The following GRK5 variants were observed in gnomAD, a reference collection of about 807,000 sequenced individuals.
The protein encoded by GRK5 is g protein-coupled receptor kinase GRK5.
A neutral mutation model predicts 78.4 loss-of-function variants in GRK5; 40 were observed. The ratio of observed to expected loss-of-function variants is 0.51; its 90% CI spans 0.40 to 0.66. GRK5 has a LOEUF of 0.66. GRK5 is among the 30% of genes least tolerant of loss of function. The pLI, the probability that GRK5 is intolerant of heterozygous loss-of-function variation, is 0.00. For synonymous variants in GRK5, 289 were observed against 296.8 expected (o/e 0.97, Z 0.27); for missense variants, 598 against 759.9 (o/e 0.79, Z 2.50).
At position 119,430,840 on chromosome 10, in the gene GRK5, A is replaced by G. The variant is rs1852802589; in HGVS notation, c.597+402A>G. On this transcript the variant is annotated intron_variant, in intron 7 of 15. Coordinates refer to ENST00000392870, the MANE Select transcript of GRK5 (RefSeq NM_005308.3). This position sits in a 1 kb window ranked among gnomAD's most constrained non-coding sequence, Gnocchi z 4.5. ...TCGTTGTACATTACCCGATCTTCCC[A>G]GCATGTGAGGCAAGCCTTGTTATTC... is the stretch of plus-strand genomic sequence containing the variant. Among the ~76,000 whole-genome samples, 3 of 152,208 alleles carry G rather than the reference A, an allele frequency of 2.0e-5. No homozygotes were observed. Among genetic ancestry groups the G allele is most frequent in the Admixed American group, 1.3e-4 (2 of 15,280 alleles).
At chr10:119,408,149 G>C (rs1411376445) in intron 4 of GRK5, among the ~76,000 whole-genome samples, 1 of 127,556 alleles carries the variant, frequency 7.8e-6, no homozygotes, top group Admixed American at 8.6e-5. Context: ...GGCAACAAGA[G>C]TGAAACTCCA....
chr10:119,441,202 T>C (rs1853027769), intron 10 of GRK5, among the ~76,000 whole-genome samples: 1 of 152,246 alleles, frequency 6.6e-6, no homozygotes, highest in African/African-American at 2.4e-5. Flanking sequence ...GCTCCTCTGC[T>C]ATCCTGACTG....
At chr10:119,380,420 C>T (rs1851692934) in intron 2 of GRK5, among the ~76,000 whole-genome samples, 1 of 152,222 alleles carries the variant, frequency 6.6e-6, no homozygotes, top group African/African-American at 2.4e-5. Context: ...CTCCAGTGTT[C>T]CCAGGGAGTC....
At chr10:119,273,420 G>C (rs1450093257) in intron 1 of GRK5, among the ~76,000 whole-genome samples, 1 of 152,196 alleles carries the variant, frequency 6.6e-6, no homozygotes, top group Non-Finnish European at 1.5e-5. Flanking sequence ...GGAGCTGCAG[G>C]CTACGTGTGA....
chr10:119,344,993 G>A (rs1459884377), intron 2 of GRK5, among the ~76,000 whole-genome samples: 2 of 145,456 alleles, frequency 1.4e-5, no homozygotes, highest in East Asian at 2.1e-4. Context: ...TTCTGAGATG[G>A]AATCTCGCTC....
At chr10:119,219,965 C>T (rs115113703) in intron 1 of GRK5, among the ~76,000 whole-genome samples, 1,815 of 152,324 alleles carry the variant, frequency 0.012, 44 homozygotes, top group African/African-American at 0.042. Context: ...GGAAGCCAAG[C>T]AGCTTGATCC....
intron 1 of GRK5, among the ~76,000 whole-genome samples, chr10:119,219,008 C>G (rs1346485308): frequency 6.7e-6 from 1 of 149,808 alleles, no homozygotes; most frequent in Non-Finnish European, 1.5e-5. Context: ...AGCGATTCTC[C>G]TGCCTCAGTC....
intron 3 of GRK5, among the ~76,000 whole-genome samples, chr10:119,394,422 G>A (rs1420704411): frequency 1.4e-5 from 1 of 70,808 alleles, no homozygotes; most frequent in African/African-American, 5.9e-5. Flanking sequence ...GTGGGGGTGT[G>A]TGGGTACGTG....
chr10:119,297,872 A>G (rs1182008853), intron 1 of GRK5, among the ~76,000 whole-genome samples: 1 of 152,184 alleles, frequency 6.6e-6, no homozygotes, highest in Non-Finnish European at 1.5e-5. Context: ...GACTAAGCAG[A>G]CTTCTGGGTT....
intron 1 of GRK5, 109 bp from the exon 2 acceptor site, chr10:119,326,407 A>G (rs1299171325): frequency 1.2e-6 from 1 of 814,946 alleles, no homozygotes; most frequent in Non-Finnish European, 2.0e-6. Context: ...GGCTTGGCCT[A>G]CAGCCCGTCC....
intron 2 of GRK5, among the ~76,000 whole-genome samples, chr10:119,369,235 C>A (rs1307770770): frequency 6.6e-6 from 1 of 152,112 alleles, no homozygotes; most frequent in Non-Finnish European, 1.5e-5. Flanking sequence ...GATGAAATTT[C>A]TTTACAAGGA....
chr10:119,417,380 C>T (rs1219360583), intron 4 of GRK5, among the ~76,000 whole-genome samples: 1 of 152,226 alleles, frequency 6.6e-6, no homozygotes, highest in Admixed American at 6.5e-5. Context: ...GCACAGATGG[C>T]GCCTGTGAAG....
rs77599755 is a variant in GRK5 at position 119,373,204 on chromosome 10, C to G, written c.149-7611C>G. Among the ~76,000 whole-genome samples the G allele has an allele frequency of 2.9e-3, 436 of 152,294 alleles. 7 individuals carry two copies. The highest frequency in any genetic ancestry group is 6.6e-3 in the East Asian group (34 of 5,186). On this transcript the variant is annotated intron_variant, in intron 2 of 15. Coordinates refer to ENST00000392870, the MANE Select transcript of GRK5 (RefSeq NM_005308.3). The stretch of plus-strand genomic sequence containing the variant: ...AAAACTGGTTCTTTTCCATAGATAG[C>G]TGGAAAAGCACTGCTTTAAACTGGA...
chr10:119,360,405 C>CCA (rs751727277), intron 2 of GRK5, among the ~76,000 whole-genome samples: 6 of 152,088 alleles, frequency 3.9e-5, no homozygotes, highest in Non-Finnish European at 7.4e-5. Flanking sequence ...AGAGCTCAGG[C>CCA]CACAGCCCTT....
intron 2 of GRK5, among the ~76,000 whole-genome samples, chr10:119,368,649 C>T (rs1851492467): frequency 2.0e-5 from 3 of 152,234 alleles, no homozygotes; most frequent in Admixed American, 6.5e-5. Flanking sequence ...ACACAAAGCC[C>T]AATCTCCTAG....
chr10:119,355,640 T>C (rs564797512), intron 2 of GRK5, among the ~76,000 whole-genome samples: 1 of 152,228 alleles, frequency 6.6e-6, no homozygotes, highest in Non-Finnish European at 1.5e-5. Context: ...ATTAGCCAAG[T>C]GTGGTGGCAT....
Position 119,217,548 on chromosome 10 carries a change from C to T in GRK5, c.52+9579C>T, listed in dbSNP as rs138348914. On this transcript the variant is annotated intron_variant, in intron 1 of 15. Transcript: ENST00000392870. This position sits in a 1 kb window ranked among gnomAD's most constrained non-coding sequence, Gnocchi z 4.1. ...TCGGACAAGCGAGGCCAGCCTCTTG[C>T]GTTATTTTTCCCCTCAGCATGGCTA... is the stretch of plus-strand genomic sequence containing the variant. Among the ~76,000 whole-genome samples the T allele has an allele frequency of 1.3e-5, 2 of 152,234 alleles. No individual in the cohort carries two copies. The highest frequency in any genetic ancestry group is 2.1e-4 in the South Asian group (1 of 4,824).
In GRK5 at chr10:119,443,527, C is replaced by T. The variant is rs201338492; in HGVS notation, c.1058-17C>T. On this transcript the variant is annotated splice_polypyrimidine_tract_variant and intron_variant, in intron 11 of 15. Coordinates refer to ENST00000392870, the MANE Select transcript of GRK5 (RefSeq NM_005308.3). ...TCTCCCTCCTCCTCACTCCTCTCTCCTCTCCTCTGCCCCCAGCTCCAGAGG... is the reference window on the plus strand; with the variant it reads ...TCTCCCTCCTCCTCACTCCTCTCTCTTCTCCTCTGCCCCCAGCTCCAGAGG... 90 of 1,592,810 alleles carry T rather than the reference C, an allele frequency of 5.7e-5. 1 individual carries two copies. In the African/African-American group the frequency reaches 1.1e-3, roughly 20 times the overall value.
intron 3 of GRK5, among the ~76,000 whole-genome samples, chr10:119,384,186 C>T (rs1851757331): frequency 6.6e-6 from 1 of 152,124 alleles, no homozygotes; most frequent in African/African-American, 2.4e-5. Context: ...TGAAATCCTC[C>T]CCACAGTCCC....
Sources: gnomAD v4.1 joint callset for allele counts (sites outside exome capture counted in the v4.1 genomes callset) on GRCh38, gnomAD v4.1.1 for gene constraint, Gnocchi (gnomAD v3.1) non-coding constraint, MANE v1.5 for transcripts, NCBI Gene and HGNC (gene_info 2026-07-23, HGNC 2026-07-21) for gene names.